The following MDN1 variants were observed in gnomAD, a reference collection of about 807,000 sequenced individuals.
MDN1 encodes the protein midasin.
MDN1 carries 266 observed loss-of-function variants against 669.2 expected under a neutral mutation model. The ratio of observed to expected loss-of-function variants is 0.40; its 90% confidence interval spans 0.36 to 0.44. The LOEUF is 0.44. MDN1 is among the 20% of genes least tolerant of loss of function. The pLI is 1.00. For synonymous variants in MDN1, 2,385 were observed against 2,457.1 expected, an observed-to-expected ratio of 0.97 and a Z score of 0.87; for missense variants, 5,940 against 6,754.0, an observed-to-expected ratio of 0.88 and a Z score of 4.22.
rs114187198 is a variant in MDN1, at chr6:89,729,051, G to C, written c.5229C>G (p.Thr1743=). The part of the protein sequence containing the change: ...AMNAQRLLRA[T]KLKKPILLEG... ...CCAGGAGAATGGGCTTCTTCAGTTT[G>C]GTAGCTCTTAAGAGCCTCTGTGCAT... is the stretch of plus-strand genomic sequence containing the variant. Residue 1743 remains threonine (T), a synonymous_variant, in exon 36 of 102, where the codon ACC becomes ACG. Coordinates refer to ENST00000369393, the MANE Select transcript of MDN1 (RefSeq NM_014611.3). 575 of 1,614,058 alleles carry C rather than the reference G, an allele frequency of 3.6e-4. 1 individual carries two copies. In the African/African-American group the frequency reaches 7.2e-3, roughly 20 times the overall value.
At chr6:89,664,229 T>TGAAGGG (rs1562052999) in intron 85 of MDN1, among the ~76,000 whole-genome samples, 8 of 151,768 alleles carry the variant, frequency 5.3e-5, no homozygotes, top group African/African-American at 1.7e-4. Context: ...CTTTCAGGCT[T>TGAAGGG]CACTACTGAG....
At chr6:89,665,634 G>A (rs985948835) in intron 84 of MDN1, among the ~76,000 whole-genome samples, 12 of 150,682 alleles carry the variant, frequency 8.0e-5, no homozygotes, top group African/African-American at 2.9e-4. Flanking sequence ...TTGAATCCGG[G>A]AGGTGGAGGT....
Position 89,727,942 on chromosome 6 carries a change from A to C in MDN1, c.5363T>G (p.Leu1788Arg). ...NLSEQTDITDLFGADLPVEGG... is the reference protein window; with the variant it reads ...NLSEQTDITDRFGADLPVEGG... ...TTCAACAGGTAGATCTGCTCCAAAC[A>C]GGTCTGTGATGTCCTTTGAAAGGGG... The change falls in exon 37 of 102, where the codon CTG (leucine) becomes CGG (arginine). Residue 1788 changes from leucine (L) to arginine (R), a missense_variant. By Grantham distance (102) the Leu-to-Arg change is moderately radical. Around this residue, in one of 5 missense-constraint regions of MDN1, gnomAD observed 2,292 missense variants for 2,638.3 expected, o/e 0.87. Transcript: ENST00000369393. 3 of 1,611,836 alleles carry C rather than the reference A, an allele frequency of 1.9e-6. No homozygotes were observed. The highest frequency in any genetic ancestry group is 2.5e-6 in the Non-Finnish European group (3 of 1,179,212).
intron 93 of MDN1, 81 bp downstream of exon 93, chr6:89,654,083 C>A (rs1809077086): frequency 1.4e-6 from 2 of 1,475,394 alleles, no homozygotes; most frequent in Non-Finnish European, 1.9e-6. Context: ...GAACTGAACA[C>A]CAGACTAGAT....
chr6:89,705,397 T>C (rs1261808416), intron 53 of MDN1, among the ~76,000 whole-genome samples: 1 of 152,232 alleles, frequency 6.6e-6, no homozygotes, highest in Non-Finnish European at 1.5e-5. Flanking sequence ...TCTACTTTAC[T>C]AGACTTACTA....
intron 95 of MDN1, 75 bp downstream of exon 95, chr6:89,652,117 T>C: frequency 1.7e-6 from 2 of 1,174,684 alleles, no homozygotes; most frequent in Non-Finnish European, 2.5e-6. Context: ...AAGAACCTAT[T>C]AAGTTTGCTA....
At chr6:89,708,399 A>T in intron 51 of MDN1, 97 bp downstream of exon 51, 5 of 1,453,106 alleles carry the variant, frequency 3.4e-6, no homozygotes, top group Non-Finnish European at 4.7e-6. Context: ...GGTTCACAAA[A>T]TTCAACACAC....
In MDN1 at chr6:89,727,704, C is replaced by A. The variant is rs932128050; in HGVS notation, c.5472+129G>T. On this transcript the variant is annotated intron_variant, in intron 37 of 101. Transcript: ENST00000369393. ...ATTCTTAAAGAAAACTACAGAGGAT[C>A]TTTTCATTAGAGAAAAGTCATCAGC... 5.5e-6 allele frequency: 8 copies of A among 1,445,912 alleles called. No individual in the cohort carries two copies. The East Asian group carries it at 9.5e-5, about 17-fold the overall frequency. 89.6% of individuals were successfully genotyped at this position (1,445,912 alleles called of 1,614,324 possible).
chr6:89,732,148 C>A (rs764745476), intron 34 of MDN1, among the ~76,000 whole-genome samples: 1 of 151,964 alleles, frequency 6.6e-6, no homozygotes, highest in South Asian at 2.1e-4. Context: ...CAAAAAAACA[C>A]CCCTCTGCAC....
At chr6:89,724,167 T>C (rs959818602) in intron 38 of MDN1, among the ~76,000 whole-genome samples, 2 of 151,992 alleles carry the variant, frequency 1.3e-5, no homozygotes, top group African/African-American at 4.8e-5. Flanking sequence ...AAAAGATACA[T>C]GTTATTAAAA....
intron 1 of MDN1, chr6:89,815,355 G>C (rs1223901361): frequency 1.1e-5 from 5 of 461,048 alleles, no homozygotes; most frequent in African/African-American, 8.1e-5. Context: ...TGGCGGAAGA[G>C]AGTGGTGAAA....
chr6:89,818,226 G>A (rs1218516371), intron 1 of MDN1, among the ~76,000 whole-genome samples: 1 of 144,428 alleles, frequency 6.9e-6, no homozygotes, highest in African/African-American at 2.6e-5. Flanking sequence ...GGTTGAGACA[G>A]AAGAATCGCT....
intron 62 of MDN1, 97 bp downstream of exon 62, chr6:89,693,977 A>C: frequency 2.2e-6 from 2 of 924,456 alleles, no homozygotes; most frequent in Non-Finnish European, 3.5e-6. Context: ...AATGTAGTTT[A>C]GAGGTGTATA....
At chr6:89,796,037 G>C (rs530154446) in intron 2 of MDN1, among the ~76,000 whole-genome samples, 1 of 151,154 alleles carries the variant, frequency 6.6e-6, no homozygotes, top group African/African-American at 2.4e-5. Context: ...TTAAAACTTT[G>C]AACATGGCCA....
At chr6:89,747,230 A>G (rs1816682107) in intron 27 of MDN1, 99 bp downstream of exon 27, 2 of 1,376,372 alleles carry the variant, frequency 1.5e-6, no homozygotes, top group Non-Finnish European at 2.0e-6. Context: ...TACCTAGTCA[A>G]ATGTATGTAT....
At chr6:89,749,105 A>T (rs999328372) in intron 26 of MDN1, 118 bp downstream of exon 26, 21 of 901,634 alleles carry the variant, frequency 2.3e-5, no homozygotes, top group African/African-American at 7.0e-5. Flanking sequence ...AATAAAAAAT[A>T]AAAAAAAATC....
chr6:89,725,554 T>C (rs899580562), intron 37 of MDN1, among the ~76,000 whole-genome samples, 158 bp from the exon 38 acceptor site: 1 of 152,020 alleles, frequency 6.6e-6, no homozygotes, highest in Non-Finnish European at 1.5e-5. Flanking sequence ...TGAGTTATGG[T>C]TGGTTTGTCT....
At chr6:89,652,859 A>G (rs540763637) in intron 94 of MDN1, 133 bp downstream of exon 94, 2 of 922,348 alleles carry the variant, frequency 2.2e-6, no homozygotes, top group African/African-American at 1.7e-5. Context: ...AAAATTTTGA[A>G]TAAGAACATG....
intron 83 of MDN1, among the ~76,000 whole-genome samples, chr6:89,670,166 A>ATTTTTTTTTT (rs1482501704): frequency 2.8e-4 from 5 of 17,710 alleles, no homozygotes; most frequent in Admixed American, 1.1e-3. Context: ...ATATATATAT[A>ATTTTTTTTTT]TATATTTTTT....
Sources: allele counts gnomAD v4.1 joint callset (sites outside exome capture counted in the v4.1 genomes callset), GRCh38; gene constraint gnomAD v4.1.1; regional missense constraint gnomAD v4.1.1; transcripts MANE v1.5; gene names NCBI Gene and HGNC (gene_info 2026-07-23, HGNC 2026-07-21).